The following FNIP2 variants were observed in gnomAD, a reference collection of about 807,000 sequenced individuals.
The protein encoded by FNIP2 is folliculin interacting protein 2.
Under a neutral mutation model 108.7 loss-of-function variants are expected in FNIP2, and 32 were observed. The observed-to-expected ratio is 0.29, with a 90% CI of 0.22 to 0.40. The LOEUF is 0.40. FNIP2 is among the 10% of genes least tolerant of loss of function. FNIP2 has a pLI of 1.00. For synonymous variants in FNIP2, 480 were observed against 496.7 expected (o/e 0.97, Z 0.45); for missense variants, 1,202 against 1,381.6 (o/e 0.87, Z 2.06).
chr4:158,791,515 C>T (rs898142023), intron 1 of FNIP2, among the ~76,000 whole-genome samples: 18 of 152,052 alleles, frequency 1.2e-4, no homozygotes, highest in African/African-American at 4.3e-4. Context: ...CTCCTGACCT[C>T]AAGTGATCCA....
At chr4:158,827,529 C>G (rs1778225098) in intron 2 of FNIP2, among the ~76,000 whole-genome samples, 1 of 152,164 alleles carries the variant, frequency 6.6e-6, no homozygotes, top group Admixed American at 6.5e-5. Context: ...AGAATCCAGT[C>G]AGTGCTCTAT....
intron 1 of FNIP2, among the ~76,000 whole-genome samples, chr4:158,777,969 A>T (rs1324200503): frequency 6.6e-6 from 1 of 152,164 alleles, no homozygotes; most frequent in East Asian, 1.9e-4. Context: ...CTCTATGCAA[A>T]TACAGGAAAA....
intron 14 of FNIP2, among the ~76,000 whole-genome samples, chr4:158,879,418 T>C (rs151052248): frequency 4.0e-5 from 6 of 150,588 alleles, no homozygotes; most frequent in Admixed American, 4.0e-4. Flanking sequence ...CTAGGGTCAG[T>C]AGCAGAGTGA....
intron 1 of FNIP2, among the ~76,000 whole-genome samples, chr4:158,772,352 T>A (rs1339326602): frequency 1.3e-5 from 2 of 152,230 alleles, no homozygotes; most frequent in African/African-American, 2.4e-5. Flanking sequence ...GACTTACATG[T>A]GTGGTTCACG....
chr4:158,853,552 G>T (rs1779817252), intron 8 of FNIP2, among the ~76,000 whole-genome samples: 1 of 152,156 alleles, frequency 6.6e-6, no homozygotes, highest in Admixed American at 6.6e-5. Flanking sequence ...ACAGGCGCCG[G>T]TGTGTGATGT....
At chr4:158,770,919 C>T (rs1359392534) in intron 1 of FNIP2, among the ~76,000 whole-genome samples, 2 of 152,106 alleles carry the variant, frequency 1.3e-5, no homozygotes, top group East Asian at 1.9e-4. Context: ...GTTTTCTGTG[C>T]TCCTTGCCTA....
At chr4:158,833,992 G>C in intron 6 of FNIP2, 1 of 721,622 alleles carries the variant, frequency 1.4e-6, no homozygotes, top group Non-Finnish European at 1.9e-6. Flanking sequence ...AAATCCAAGG[G>C]GCTCTTGTGA....
At chr4:158,898,379 T>C (rs1560844279) in intron 16 of FNIP2, among the ~76,000 whole-genome samples, 1 of 152,186 alleles carries the variant, frequency 6.6e-6, no homozygotes, top group East Asian at 1.9e-4. Flanking sequence ...GTGAAGAACA[T>C]CCATGGGAGC....
intron 1 of FNIP2, among the ~76,000 whole-genome samples, chr4:158,792,305 G>A (rs1276605537): frequency 6.6e-6 from 1 of 151,950 alleles, no homozygotes; most frequent in Non-Finnish European, 1.5e-5. Context: ...AGTCAAACAG[G>A]GTAACCCTCT....
chr4:158,889,862 G>C (rs1362416027), intron 14 of FNIP2: 6 of 982,560 alleles, frequency 6.1e-6, no homozygotes, highest in Non-Finnish European at 7.2e-6. Context: ...TCATCATCTT[G>C]ATATAAATTT....
In FNIP2 at chr4:158,785,087, C is replaced by CTTTTTTT. The variant is rs397805773; in HGVS notation, c.107+15779_107+15785dup. 4.5e-3 allele frequency among the ~76,000 whole-genome samples: 549 copies of CTTTTTTT among 123,114 alleles called. 32 individuals carry two copies. Among genetic ancestry groups the CTTTTTTT allele is most frequent in the African/African-American group, 0.012 (354 of 30,014 alleles). The allele number at this position is 123,114 out of a possible 152,430, so 80.8% of individuals were successfully genotyped here. On this transcript the variant is annotated intron_variant, in intron 1 of 16. Coordinates refer to ENST00000264433, the MANE Select transcript of FNIP2 (RefSeq NM_020840.3). Reference sequence around the variant, plus strand: ...TTATTAGCCAGTATATAAAGTTCCTCTTTTTTTTTTTTTTTTTGAGCCAGA... The same window carrying CTTTTTTT: ...TTATTAGCCAGTATATAAAGTTCCTCTTTTTTTTTTTTTTTTTTTTTTTTGAGCCAGA...
intron 12 of FNIP2, among the ~76,000 whole-genome samples, chr4:158,863,476 C>T (rs1314249453): frequency 6.6e-6 from 1 of 152,186 alleles, no homozygotes; most frequent in Non-Finnish European, 1.5e-5. Context: ...CCCTCCATGG[C>T]TGCTCAGCAC....
intron 1 of FNIP2, among the ~76,000 whole-genome samples, chr4:158,771,886 T>A (rs1257317059): frequency 6.6e-6 from 1 of 152,238 alleles, no homozygotes; most frequent in East Asian, 1.9e-4. Flanking sequence ...CACTTCCTAG[T>A]CCCTTCGCTG....
chr4:158,875,122 G>A (rs1378967161), intron 14 of FNIP2, among the ~76,000 whole-genome samples: 2 of 151,412 alleles, frequency 1.3e-5, no homozygotes, highest in South Asian at 4.2e-4. Context: ...AGAAAAGAAA[G>A]CTATATGCGT....
intron 1 of FNIP2, among the ~76,000 whole-genome samples, chr4:158,812,540 A>T (rs1777336485): frequency 6.6e-6 from 1 of 152,184 alleles, no homozygotes; most frequent in Admixed American, 6.5e-5. Flanking sequence ...CTTATTCCTG[A>T]AAGTTTCTAT....
At chr4:158,813,928 A>G (rs908680487) in intron 1 of FNIP2, among the ~76,000 whole-genome samples, 1 of 152,176 alleles carries the variant, frequency 6.6e-6, no homozygotes, top group Admixed American at 6.5e-5. Flanking sequence ...CATTTGTTGA[A>G]AAGACTGTCT....
At chr4:158,778,638 G>T (rs901452804) in intron 1 of FNIP2, among the ~76,000 whole-genome samples, 3 of 152,098 alleles carry the variant, frequency 2.0e-5, no homozygotes, top group African/African-American at 7.2e-5. Flanking sequence ...AGTTATTGTT[G>T]TTAATCTCTT....
rs764958586 is a variant in FNIP2, at chr4:158,829,181, G to T, written c.337G>T (p.Gly113Trp). The change falls in exon 3 of 17, where the codon GGG (glycine) becomes TGG (tryptophan). Residue 113 changes from glycine (G) to tryptophan (W), a missense_variant. By Grantham distance (184) the Gly-to-Trp change is radical (BLOSUM62 -2). Transcript: ENST00000264433. ...SSSISSHSSS[G>W]GSSHHAKEQL... ...CAGCATCTCTTCCCACAGTTCTTCT[G>T]GGGGATCTTCACATCATGCTAAGGA... The T allele has an allele frequency of 1.9e-6, 3 of 1,612,810 alleles. No individual in the cohort carries two copies. Among genetic ancestry groups the T allele is most frequent in the East Asian group, 2.2e-5 (1 of 44,844 alleles).
rs764145959 is a variant in FNIP2 at position 158,769,360 on chromosome 4, G to C, written c.107+41G>C. The C allele has an allele frequency of 1.5e-4, 205 of 1,376,962 alleles. No individual in the cohort carries two copies. The African/African-American group carries it at 2.5e-3, about 17-fold the overall frequency. 85.3% of individuals were successfully genotyped at this position (1,376,962 alleles called of 1,614,324 possible). A position where few individuals can be genotyped will look rare whatever the true frequency, so the allele number is the denominator to read the frequency against. ...GGGGCAATTCTGGCGCGGGACCCGA[G>C]TTGGCTTCGGTGCTCGCCGGGGAGG... On this transcript the variant is annotated intron_variant, in intron 1 of 16. Transcript: ENST00000264433.
Sources: gnomAD v4.1 joint callset for allele counts (sites outside exome capture counted in the v4.1 genomes callset) on GRCh38, gnomAD v4.1.1 for gene constraint, MANE v1.5 for transcripts, NCBI Gene and HGNC (gene_info 2026-07-23, HGNC 2026-07-21) for gene names.